The following ANO5 variants were observed in gnomAD, a reference collection of about 807,000 sequenced individuals.
ANO5 encodes anoctamin 5.
Under a neutral mutation model 121.0 loss-of-function variants are expected in ANO5, and 109 were observed. The ratio of observed to expected loss-of-function variants is 0.90; its 90% confidence interval spans 0.77 to 1.06. The LOEUF (loss-of-function observed/expected upper bound fraction) is 1.06. ANO5 is among the 50% of genes least tolerant of loss of function. The probability of loss-of-function intolerance (pLI) is 0.00; values close to 1 mark genes in which losing one functional copy is unlikely to be tolerated. For synonymous variants in ANO5, 406 were observed against 359.9 expected, an observed-to-expected ratio of 1.13 and a Z score of -1.45; for missense variants, 1,064 against 1,078.5, an observed-to-expected ratio of 0.99 and a Z score of 0.19.
chr11:22,239,435 C>T, intron 8 of ANO5, 134 bp from the exon 9 acceptor site: 3 of 665,544 alleles, frequency 4.5e-6, no homozygotes, highest in Non-Finnish European at 5.5e-6. Flanking sequence ...AATTTCACAT[C>T]AATTGAATAT....
Position 22,279,762 on chromosome 11 carries a change from C to T in ANO5, c.2739C>T (p.Leu913=). ...AAGCACAGCTGGCTAAATCAACACT[C>T]TAATCAGTATAGTGAGGAAGCAGCA... ...ENKAQLAKST[L] is the part of the protein sequence containing the mutation. Residue 913 remains leucine (L), a synonymous_variant, in exon 22 of 22, where the codon CTC becomes CTT. Coordinates refer to ENST00000324559, the MANE Select transcript of ANO5 (RefSeq NM_213599.3). 1 of 1,610,578 alleles carries T rather than the reference C, an allele frequency of 6.2e-7. No individual in the cohort carries two copies. Among genetic ancestry groups the T allele is most frequent in the Non-Finnish European group, 8.5e-7 (1 of 1,177,678 alleles).
At chr11:22,197,277 C>T (rs1243300271) in intron 1 of ANO5, among the ~76,000 whole-genome samples, 1 of 151,780 alleles carries the variant, frequency 6.6e-6, no homozygotes, top group Non-Finnish European at 1.5e-5. Flanking sequence ...ATTCTAATGG[C>T]AGAAGTTAAT....
At chr11:22,265,142 C>G (rs1320116565) in intron 17 of ANO5, among the ~76,000 whole-genome samples, 1 of 152,010 alleles carries the variant, frequency 6.6e-6, no homozygotes, top group East Asian at 1.9e-4. Context: ...TAATAGAATT[C>G]AATTCATACC....
At chr11:22,246,856 C>CAAAAAAAAAAAAA (rs10565920) in intron 9 of ANO5, among the ~76,000 whole-genome samples, 60 of 62,034 alleles carry the variant, frequency 9.7e-4, no homozygotes, top group Non-Finnish European at 1.5e-3. Flanking sequence ...GACCCTGTTT[C>CAAAAAAAAAAAAA]AAAAAAAAAA....
At chr11:22,224,607 T>A (rs955033373) in intron 5 of ANO5, among the ~76,000 whole-genome samples, 27 of 152,034 alleles carry the variant, frequency 1.8e-4, no homozygotes, top group Non-Finnish European at 2.8e-4. Context: ...CTCTAAGACC[T>A]GAAACTATGA....
rs1190973666 is a variant in ANO5 at position 22,193,138 on chromosome 11, G to T, written c.-355G>T. 9.0e-6 allele frequency: 10 copies of T among 1,109,572 alleles called. No individual in the cohort carries two copies. Among genetic ancestry groups the T allele is most frequent in the Non-Finnish European group, 1.0e-5 (9 of 903,742 alleles). 68.7% of individuals were successfully genotyped at this position (1,109,572 alleles called of 1,614,324 possible). A position where few individuals can be genotyped will look rare whatever the true frequency, so the allele number is the denominator to read the frequency against. ...AGTGGCGGCTGCGGGATCAGCTGCCGAGCAGGCACAGGGACAGGTGCCTGG... is the reference window on the plus strand; with the variant it reads ...AGTGGCGGCTGCGGGATCAGCTGCCTAGCAGGCACAGGGACAGGTGCCTGG... On this transcript the variant is annotated 5_prime_UTR_variant, in exon 1 of 22. Coordinates refer to ENST00000324559, the MANE Select transcript of ANO5 (RefSeq NM_213599.3).
intron 7 of ANO5, among the ~76,000 whole-genome samples, chr11:22,234,027 C>A (rs972598513): frequency 2.0e-5 from 3 of 152,088 alleles, no homozygotes; most frequent in African/African-American, 7.2e-5. Flanking sequence ...CAAAGAAATT[C>A]TTAAGGATCT....
At position 22,279,610 on chromosome 11, in the gene ANO5, G is replaced by C. The variant is rs1442498026; in HGVS notation, c.2587G>C (p.Glu863Gln). Reference sequence around the variant, plus strand: ...ACCTGATGTTCCAAAAGATGTTGTGGAGAGAATCAAGAGAGAAAAGTTAAT... The same window carrying C: ...ACCTGATGTTCCAAAAGATGTTGTGCAGAGAATCAAGAGAGAAAAGTTAAT... ...MIPDVPKDVV[E>Q]RIKREKLMTI... The change falls in exon 22 of 22, where the codon GAG becomes CAG. Residue 863 changes from glutamate to glutamine, a missense_variant. Glu to Gln is a conservative substitution (Grantham distance 29). Transcript: ENST00000324559. 1 of 1,612,984 alleles carries C rather than the reference G, an allele frequency of 6.2e-7. No individual in the cohort carries two copies. Among genetic ancestry groups the C allele is most frequent in the Non-Finnish European group, 8.5e-7 (1 of 1,179,224 alleles).
intron 21 of ANO5, among the ~76,000 whole-genome samples, chr11:22,276,620 C>CT (rs1854862277): frequency 1.3e-5 from 2 of 151,702 alleles, no homozygotes; most frequent in South Asian, 4.1e-4. Context: ...CGTTAACTAA[C>CT]TAACATTAGC....
chr11:22,193,186 G>A lies in ANO5; in HGVS notation c.-307G>A. On this transcript the variant is annotated 5_prime_UTR_variant, in exon 1 of 22. Transcript: ENST00000324559. Reference sequence around the variant, plus strand: ...TGGAGAAGTACTGGGAGAGCGCCCAGGAGCGCTACCGGCTGAGGGTGGGGA... The same window carrying A: ...TGGAGAAGTACTGGGAGAGCGCCCAAGAGCGCTACCGGCTGAGGGTGGGGA... The A allele has an allele frequency of 1.6e-6, 2 of 1,258,276 alleles. No individual in the cohort carries two copies. Among genetic ancestry groups the A allele is most frequent in the Non-Finnish European group, 1.0e-6 (1 of 987,252 alleles). The allele number at this position is 1,258,276 out of a possible 1,614,324, so 77.9% of individuals were successfully genotyped here.
chr11:22,197,077 CT>C (rs1434031061), intron 1 of ANO5, among the ~76,000 whole-genome samples: 5 of 152,082 alleles, frequency 3.3e-5, no homozygotes, highest in Non-Finnish European at 5.9e-5. Flanking sequence ...TCTAAATCAC[CT>C]TTAAATACTG....
At chr11:22,276,234 C>G (rs779849005) in intron 21 of ANO5, 35 bp downstream of exon 21, 9 of 1,492,198 alleles carry the variant, frequency 6.0e-6, no homozygotes, top group Non-Finnish European at 8.4e-6. Flanking sequence ...GAGTTACTCT[C>G]TTCTCTCTTT....
chr11:22,205,765 C>T (rs1017696763), intron 2 of ANO5, among the ~76,000 whole-genome samples: 7 of 151,842 alleles, frequency 4.6e-5, no homozygotes, highest in African/African-American at 1.4e-4. Context: ...TAACCAATAT[C>T]GGGAATAAAG....
intron 5 of ANO5, 125 bp downstream of exon 5, chr11:22,221,335 T>C (rs778464596): frequency 2.0e-5 from 16 of 802,878 alleles, no homozygotes; most frequent in Middle Eastern, 3.4e-4. Flanking sequence ...AAACTGAAAC[T>C]GAATGAGATA....
chr11:22,274,527 T>C (rs765135301), intron 19 of ANO5, 42 bp from the exon 20 acceptor site: 4 of 1,523,262 alleles, frequency 2.6e-6, no homozygotes, highest in Non-Finnish European at 2.6e-6. Flanking sequence ...TAAAACTAAA[T>C]TGGCAGCTGA....
intron 1 of ANO5, among the ~76,000 whole-genome samples, chr11:22,203,042 G>A (rs1852009463): frequency 1.3e-5 from 2 of 152,084 alleles, no homozygotes; most frequent in South Asian, 2.1e-4. Flanking sequence ...ATAATAAAGT[G>A]TCTTGTTCTG....
In ANO5 at chr11:22,233,045, G is replaced by A. The variant is rs114383468; in HGVS notation, c.649-3118G>A. Among the ~76,000 whole-genome samples, 1,024 of 152,032 alleles carry A rather than the reference G, an allele frequency of 6.7e-3. 12 individuals are homozygous for A. The highest frequency in any genetic ancestry group is 0.023 in the African/African-American group (968 of 41,450). On this transcript the variant is annotated intron_variant, in intron 7 of 21. Transcript: ENST00000324559. Reference sequence around the variant, plus strand: ...ACTTGACAGTACCATTTGCCACACAGTTCATCCTAAATTCACCTGGTAATT... The same window carrying A: ...ACTTGACAGTACCATTTGCCACACAATTCATCCTAAATTCACCTGGTAATT...
rs1176052724 is a variant in ANO5, at chr11:22,247,030, A to G, written c.879-3207A>G. ...GGTTTCCTAACATGAATTTGTTTGC[A>G]GGAACACACACAAATGCGTATTAGT... On this transcript the variant is annotated intron_variant, in intron 9 of 21. Transcript: ENST00000324559. Among the ~76,000 whole-genome samples, 66 of 152,124 alleles carry G rather than the reference A, an allele frequency of 4.3e-4. 1 individual carries two copies. The highest frequency in any genetic ancestry group is 1.5e-5 in the Non-Finnish European group (1 of 68,026).
At chr11:22,236,058 C>T (rs1305191703) in intron 7 of ANO5, 105 bp from the exon 8 acceptor site, 1 of 757,976 alleles carries the variant, frequency 1.3e-6, no homozygotes, top group South Asian at 1.5e-5. Context: ...ATAATTAGAG[C>T]CTGTATCTAC....
Sources: allele counts gnomAD v4.1 joint callset (sites outside exome capture counted in the v4.1 genomes callset), GRCh38; gene constraint gnomAD v4.1.1; transcripts MANE v1.5; gene names NCBI Gene and HGNC (gene_info 2026-07-23, HGNC 2026-07-21).